MTUS2: variants seen among roughly 807,000 people sequenced by gnomAD.
MTUS2 encodes the protein microtubule associated scaffold protein 2, also known as microtubule-associated tumor suppressor candidate 2.
In MTUS2, 40 loss-of-function variants were observed where a neutral mutation model predicts 114.1. That is an observed-to-expected ratio of 0.35 (90% CI 0.27 to 0.46). MTUS2 has a LOEUF of 0.46. Among genes scored for constraint, MTUS2 ranks in the 20% least tolerant of loss-of-function variants. The pLI, the probability that MTUS2 is intolerant of heterozygous loss-of-function variation, is 1.00. For missense variants in MTUS2, 1,679 were observed against 1,705.4 expected (o/e 0.98, Z 0.27); for synonymous variants, 688 against 672.0 (o/e 1.02, Z -0.37).
At chr13:29,352,947 A>G (rs1869415517) in intron 7 of MTUS2, among the ~76,000 whole-genome samples, 1 of 152,150 alleles carries the variant, frequency 6.6e-6, no homozygotes, top group African/African-American at 2.4e-5. Flanking sequence ...CTTACTTGAC[A>G]TGTTAAATTA....
At chr13:29,343,967 G>T (rs1274356262) in intron 7 of MTUS2, among the ~76,000 whole-genome samples, 1 of 152,034 alleles carries the variant, frequency 6.6e-6, no homozygotes, top group Non-Finnish European at 1.5e-5. Context: ...GCTTTTGAGG[G>T]TTCCTTTTGG....
At chr13:28,989,837 T>G (rs957520947) in intron 2 of MTUS2, among the ~76,000 whole-genome samples, 11 of 114,088 alleles carry the variant, frequency 9.6e-5, no homozygotes, top group Middle Eastern at 4.1e-3. Flanking sequence ...TTGGGCCTTT[T>G]TTTTGTTTTG....
intron 2 of MTUS2, among the ~76,000 whole-genome samples, chr13:28,984,566 G>A (rs914367682): frequency 2.0e-5 from 3 of 152,290 alleles, no homozygotes; most frequent in East Asian, 1.9e-4. Context: ...GCGTGCCTAC[G>A]ATAGAGTTGT....
chr13:29,143,590 T>C (rs1190972087), intron 5 of MTUS2, among the ~76,000 whole-genome samples: 1 of 152,212 alleles, frequency 6.6e-6, no homozygotes, highest in Non-Finnish European at 1.5e-5. Context: ...ATTTAGATTT[T>C]AATTGGTTCA....
At chr13:29,198,881 T>C (rs1197191847) in intron 5 of MTUS2, among the ~76,000 whole-genome samples, 1 of 152,176 alleles carries the variant, frequency 6.6e-6, no homozygotes, top group African/African-American at 2.4e-5. Context: ...CTATTATTGA[T>C]GTATAGGAAC....
chr13:29,024,518 T>C lies in MTUS2; in HGVS notation c.-181T>C, dbSNP rs969853819. On this transcript the variant is annotated 5_prime_UTR_variant, in exon 3 of 16. Coordinates refer to ENST00000612955, the MANE Select transcript of MTUS2 (RefSeq NM_001033602.4). ...CTAACAGATAAGTCTTCCTGCTGTATATCAAGACAATGCTTGGTTTTCAAG... is the reference window on the plus strand; with the variant it reads ...CTAACAGATAAGTCTTCCTGCTGTACATCAAGACAATGCTTGGTTTTCAAG... The C allele has an allele frequency of 2.9e-6, 2 of 687,638 alleles. No homozygotes were observed. The highest frequency in any genetic ancestry group is 4.8e-6 in the Non-Finnish European group (2 of 413,384). The allele number at this position is 687,638 out of a possible 1,614,324, so 42.6% of individuals were successfully genotyped here.
intron 8 of MTUS2, among the ~76,000 whole-genome samples, chr13:29,435,020 A>G (rs8001805): frequency 0.012 from 1,830 of 152,350 alleles, 46 homozygotes; most frequent in African/African-American, 0.041. Flanking sequence ...GATGTTTCAT[A>G]GGAGTAGCTT....
rs753779335 is a variant in MTUS2, at chr13:29,480,833, C to T, written c.3399+469C>T. ...CCATGAGGGCAGAGAGAATAACAAG[C>T]AAACATGTATGTAGCACTCGTCCTA... On this transcript the variant is annotated intron_variant, in intron 10 of 15. Coordinates refer to ENST00000612955, the MANE Select transcript of MTUS2 (RefSeq NM_001033602.4). The surrounding 1 kb of genome is among the most constrained non-coding windows in gnomAD (Gnocchi z 4.4). Among the ~76,000 whole-genome samples, 1 of 152,094 alleles carries T rather than the reference C, an allele frequency of 6.6e-6. No homozygotes were observed. Among genetic ancestry groups the T allele is most frequent in the Non-Finnish European group, 1.5e-5 (1 of 68,010 alleles).
chr13:29,359,682 G>A (rs1247767562), intron 8 of MTUS2, among the ~76,000 whole-genome samples: 1 of 152,118 alleles, frequency 6.6e-6, no homozygotes, highest in African/African-American at 2.4e-5. Context: ...AAATACGTCT[G>A]GGAAGGATCA....
chr13:28,956,835 A>G (rs999481467), intron 2 of MTUS2, among the ~76,000 whole-genome samples: 1 of 151,768 alleles, frequency 6.6e-6, no homozygotes, highest in African/African-American at 2.4e-5. Flanking sequence ...TGGCGGGGAC[A>G]GAGGGAAGAA....
chr13:29,029,493 G>C (rs1239671906), intron 3 of MTUS2, among the ~76,000 whole-genome samples: 1 of 152,200 alleles, frequency 6.6e-6, no homozygotes, highest in Non-Finnish European at 1.5e-5. Context: ...CTGAGGCTCA[G>C]GGTCAGGCTC....
intron 9 of MTUS2, among the ~76,000 whole-genome samples, chr13:29,475,528 C>T (rs1464088204): frequency 2.0e-5 from 3 of 152,052 alleles, no homozygotes; most frequent in Non-Finnish European, 4.4e-5. Flanking sequence ...TGTTACTGCC[C>T]CTGAAGACCT....
chr13:28,869,922 C>G (rs1241093056), intron 2 of MTUS2, among the ~76,000 whole-genome samples: 1 of 152,090 alleles, frequency 6.6e-6, no homozygotes, highest in Admixed American at 6.6e-5. Flanking sequence ...TGGATGCAGA[C>G]TCTTAATTTC....
chr13:29,491,750 TGTGC>T (rs1882118382), intron 11 of MTUS2, among the ~76,000 whole-genome samples: 3 of 144,418 alleles, frequency 2.1e-5, no homozygotes, highest in African/African-American at 7.8e-5. Context: ...GGGGTGTGTG[TGTGC>T]GTGTGGTATG....
At chr13:29,069,764 C>T (rs575901025) in intron 4 of MTUS2, among the ~76,000 whole-genome samples, 1 of 152,266 alleles carries the variant, frequency 6.6e-6, no homozygotes, top group East Asian at 1.9e-4. Flanking sequence ...GCGTATGGCC[C>T]TTGCAATGAC....
rs1051404012 is a variant in MTUS2 at position 28,966,737 on chromosome 13, A to C, written c.-242-57720A>C. Among the ~76,000 whole-genome samples the C allele has an allele frequency of 6.3e-4, 95 of 151,810 alleles. 2 individuals are homozygous for C. Among genetic ancestry groups the C allele is most frequent in the Admixed American group, 4.1e-3 (62 of 15,256 alleles). On this transcript the variant is annotated intron_variant, in intron 2 of 15. Coordinates refer to ENST00000612955, the MANE Select transcript of MTUS2 (RefSeq NM_001033602.4). The stretch of plus-strand genomic sequence containing the variant: ...AAGACCCTGTCTCAAAAAAAAAAAA[A>C]AAAAAAAAAAACAAAGAACTGATTA...
intron 4 of MTUS2, among the ~76,000 whole-genome samples, chr13:29,059,228 A>ATTTTTTTTTTTTTTTTTTTT (rs35369352): frequency 4.0e-4 from 39 of 97,128 alleles, no homozygotes; most frequent in East Asian, 1.1e-3. Flanking sequence ...TATTCTTTGG[A>ATTTTTTTTTTTTTTTTTTTT]TTTTTTTTTT....
At chr13:29,010,659 A>AT (rs1384150518) in intron 2 of MTUS2, among the ~76,000 whole-genome samples, 2 of 151,922 alleles carry the variant, frequency 1.3e-5, no homozygotes, top group Non-Finnish European at 1.5e-5. Flanking sequence ...TTTTCTTCCT[A>AT]TTTACTTGCT....
At chr13:28,913,754 T>G (rs1235152190) in intron 2 of MTUS2, among the ~76,000 whole-genome samples, 1 of 152,106 alleles carries the variant, frequency 6.6e-6, no homozygotes, top group Non-Finnish European at 1.5e-5. Context: ...CTGGGCTTTT[T>G]TTTGGTTGGT....
Sources: allele counts gnomAD v4.1 joint callset (sites outside exome capture counted in the v4.1 genomes callset), GRCh38; gene constraint gnomAD v4.1.1; non-coding constraint Gnocchi (gnomAD v3.1); transcripts MANE v1.5; gene names NCBI Gene and HGNC (gene_info 2026-07-23, HGNC 2026-07-21).